NKAIN3: variants seen among roughly 807,000 people sequenced by gnomAD.
The protein encoded by NKAIN3 is sodium/potassium transporting ATPase interacting 3.
NKAIN3 carries 25 observed loss-of-function variants against 30.2 expected under a neutral mutation model. The observed-to-expected ratio is 0.83, with a 90% CI of 0.60 to 1.16. NKAIN3 has a LOEUF of 1.16. Among genes scored for constraint, NKAIN3 ranks in the 50% most tolerant of loss-of-function variants. The probability of loss-of-function intolerance (pLI) is 0.00; values close to 1 mark genes in which losing one functional copy is unlikely to be tolerated. For missense variants in NKAIN3, 225 were observed against 254.1 expected, an observed-to-expected ratio of 0.89 and a Z score of 0.78; for synonymous variants, 91 against 89.6, an observed-to-expected ratio of 1.02 and a Z score of -0.09.
At chr8:62,323,029 C>A (rs533729628) in intron 1 of NKAIN3, among the ~76,000 whole-genome samples, 2 of 152,290 alleles carry the variant, frequency 1.3e-5, no homozygotes, top group South Asian at 4.1e-4. Flanking sequence ...CTGACAGCAT[C>A]CAATGCTGGA....
intron 1 of NKAIN3, among the ~76,000 whole-genome samples, chr8:62,319,533 C>G (rs1371639276): frequency 6.6e-6 from 1 of 151,964 alleles, no homozygotes; most frequent in African/African-American, 2.4e-5. Context: ...TATGTTGTGT[C>G]TTTGTTCTCG....
chr8:62,844,248 A>G (rs560695809), intron 4 of NKAIN3, among the ~76,000 whole-genome samples: 3 of 152,298 alleles, frequency 2.0e-5, no homozygotes, highest in African/African-American at 7.2e-5. Flanking sequence ...TAAATATTTT[A>G]GGATTCCATT....
intron 5 of NKAIN3, 30 bp from the exon 6 acceptor site, chr8:62,953,872 T>A: frequency 1.3e-6 from 1 of 752,240 alleles, no homozygotes; most frequent in Non-Finnish European, 1.6e-6. Context: ...TTTTACACAC[T>A]TATTCATATG....
intron 1 of NKAIN3, among the ~76,000 whole-genome samples, chr8:62,524,491 C>G (rs1395783996): frequency 6.6e-6 from 1 of 152,062 alleles, no homozygotes; most frequent in East Asian, 1.9e-4. Context: ...GCAGTAATAA[C>G]TAATTCTGTC....
chr8:62,704,538 T>A (rs1042546120), intron 3 of NKAIN3, among the ~76,000 whole-genome samples: 1 of 152,154 alleles, frequency 6.6e-6, no homozygotes, highest in Non-Finnish European at 1.5e-5. Context: ...TAGGCTCATA[T>A]GTAAAAGTTG....
chr8:62,437,462 A>G (rs139287651), intron 1 of NKAIN3, among the ~76,000 whole-genome samples: 216 of 152,330 alleles, frequency 1.4e-3, no homozygotes, highest in African/African-American at 4.8e-3. Context: ...CATTTTAGCT[A>G]CAGATGTGGA....
At chr8:62,925,840 C>A (rs918870384) in intron 5 of NKAIN3, among the ~76,000 whole-genome samples, 1 of 152,142 alleles carries the variant, frequency 6.6e-6, no homozygotes, top group Non-Finnish European at 1.5e-5. Flanking sequence ...GACCTCTATG[C>A]TCCAGAGTTA....
Position 62,975,002 on chromosome 8 carries a change from G to C in NKAIN3, c.*9595G>C, listed in dbSNP as rs1234542079. Among the ~76,000 whole-genome samples, 2 of 152,152 alleles carry C rather than the reference G, an allele frequency of 1.3e-5. No individual in the cohort carries two copies. The highest frequency in any genetic ancestry group is 4.8e-5 in the African/African-American group (2 of 41,424). On this transcript the variant is annotated 3_prime_UTR_variant, in exon 7 of 7. Coordinates refer to ENST00000623646, the MANE Select transcript of NKAIN3 (RefSeq NM_001304533.3). ...ATGTTGAAACAGCCTTGCATCCCAG[G>C]GATGAAGCTGACTTGATCATGGTGG... is the stretch of plus-strand genomic sequence containing the variant.
chr8:62,382,649 T>G (rs538891755), intron 1 of NKAIN3, among the ~76,000 whole-genome samples: 147 of 152,282 alleles, frequency 9.7e-4, no homozygotes, highest in African/African-American at 3.5e-3. Flanking sequence ...CCAATTTGTC[T>G]AATGTCAATT....
intron 3 of NKAIN3, among the ~76,000 whole-genome samples, chr8:62,670,727 G>C (rs1430371974): frequency 6.6e-6 from 1 of 152,076 alleles, no homozygotes; most frequent in African/African-American, 2.4e-5. Flanking sequence ...TGACCAAAAG[G>C]AATTCTCTTC....
intron 1 of NKAIN3, among the ~76,000 whole-genome samples, chr8:62,433,072 A>C (rs896735440): frequency 1.5e-4 from 23 of 152,302 alleles, no homozygotes; most frequent in Admixed American, 1.0e-3. Flanking sequence ...TATGTTTGTA[A>C]ATGTTTAATA....
chr8:62,466,893 T>C (rs1806180674), intron 1 of NKAIN3, among the ~76,000 whole-genome samples: 1 of 152,082 alleles, frequency 6.6e-6, no homozygotes, highest in Admixed American at 6.5e-5. Context: ...ACTACTGCTC[T>C]TAAAAAAAAA....
rs1468792359 is a variant in NKAIN3 at position 62,704,950 on chromosome 8, T to G, written c.274-41982T>G. Among the ~76,000 whole-genome samples, 3 of 152,286 alleles carry G rather than the reference T, an allele frequency of 2.0e-5. No individual in the cohort carries two copies. The East Asian group carries it at 5.8e-4, about 29-fold the overall frequency. ...GATTATCCTTACTACTTATTTGTGT[T>G]TTCTTTAGGAGGGGTTTTACTTTAA... On this transcript the variant is annotated intron_variant, in intron 3 of 6. Transcript: ENST00000623646.
intron 3 of NKAIN3, among the ~76,000 whole-genome samples, chr8:62,624,720 C>G (rs1563488851): frequency 2.7e-5 from 4 of 150,766 alleles, no homozygotes; most frequent in Admixed American, 2.0e-4. Flanking sequence ...TTCTGCTCCT[C>G]TGGTGTGCTC....
intron 1 of NKAIN3, among the ~76,000 whole-genome samples, chr8:62,400,777 C>T (rs116762038): frequency 0.013 from 1,997 of 151,874 alleles, 41 homozygotes; most frequent in African/African-American, 0.045. Flanking sequence ...CTGAGAAGTC[C>T]GCTGCCACAT....
intron 4 of NKAIN3, among the ~76,000 whole-genome samples, chr8:62,836,839 C>A (rs184485713): frequency 6.6e-6 from 1 of 152,220 alleles, no homozygotes; most frequent in East Asian, 1.9e-4. Flanking sequence ...ACTTAAGCAG[C>A]ATTAGGCCTA....
rs185873666 is a variant in NKAIN3, at chr8:62,587,228, T to C, written c.193-2486T>C. ...GTCTCAAGTGCACATTAAGGTATAC[T>C]TCATACCTTATAACAATTCAAAAAT... On this transcript the variant is annotated intron_variant, in intron 2 of 6. Coordinates refer to ENST00000623646, the MANE Select transcript of NKAIN3 (RefSeq NM_001304533.3). Among the ~76,000 whole-genome samples the C allele has an allele frequency of 3.4e-3, 510 of 152,076 alleles. 8 individuals are homozygous for C. Among genetic ancestry groups the C allele is most frequent in the Admixed American group, 0.029 (450 of 15,264 alleles).
intron 1 of NKAIN3, among the ~76,000 whole-genome samples, chr8:62,318,316 A>G (rs550608515): frequency 6.6e-6 from 1 of 151,910 alleles, no homozygotes; most frequent in African/African-American, 2.4e-5. Flanking sequence ...AGCACGTCCC[A>G]TGTTGTCCAA....
At chr8:62,889,617 G>A (rs1194846429) in intron 4 of NKAIN3, among the ~76,000 whole-genome samples, 1 of 152,130 alleles carries the variant, frequency 6.6e-6, no homozygotes, top group Non-Finnish European at 1.5e-5. Flanking sequence ...AAGTACCTAA[G>A]GAAGTGAAGA....
Sources: gnomAD v4.1 joint callset for allele counts (sites outside exome capture counted in the v4.1 genomes callset) on GRCh38, gnomAD v4.1.1 for gene constraint, MANE v1.5 for transcripts, NCBI Gene and HGNC (gene_info 2026-07-23, HGNC 2026-07-21) for gene names.